DCDC2C: variants seen among roughly 807,000 people sequenced by gnomAD.
DCDC2C encodes the protein doublecortin domain-containing protein 2C.
DCDC2C carries 44 observed loss-of-function variants against 45.0 expected under a neutral mutation model. The ratio of observed to expected loss-of-function variants is 0.98; its 90% CI spans 0.77 to 1.26. The LOEUF (loss-of-function observed/expected upper bound fraction) is 1.26. Among genes scored for constraint, DCDC2C ranks in the 50% most tolerant of loss-of-function variants. The pLI is 0.00. For synonymous variants in DCDC2C, 187 were observed against 178.8 expected (o/e 1.05, Z -0.37); for missense variants, 447 against 468.9 (o/e 0.95, Z 0.43).
chr2:3,772,714 T>C (rs1166412530), intron 8 of DCDC2C, among the ~76,000 whole-genome samples: 5 of 152,200 alleles, frequency 3.3e-5, no homozygotes, highest in Non-Finnish European at 7.3e-5. Flanking sequence ...GTTTTCTTAT[T>C]AATTTACTCA....
At chr2:3,823,101 G>A (rs563636591) in intron 10 of DCDC2C, among the ~76,000 whole-genome samples, 23 of 152,140 alleles carry the variant, frequency 1.5e-4, no homozygotes, top group Non-Finnish European at 2.9e-4. Flanking sequence ...GTCTTTATCA[G>A]CAGCATGAAA....
intron 9 of DCDC2C, among the ~76,000 whole-genome samples, chr2:3,783,362 A>G (rs573787486): frequency 7.2e-5 from 11 of 152,014 alleles, no homozygotes; most frequent in Non-Finnish European, 1.2e-4. Flanking sequence ...TCCAGCTCTC[A>G]CCCACTTCCA....
At chr2:3,705,777 A>G (rs1668049342) in intron 1 of DCDC2C, among the ~76,000 whole-genome samples, 1 of 152,170 alleles carries the variant, frequency 6.6e-6, no homozygotes, top group Non-Finnish European at 1.5e-5. Context: ...TTGGACATGT[A>G]GCAAAAATAT....
At chr2:3,720,283 C>A (rs1668462735) in intron 2 of DCDC2C, among the ~76,000 whole-genome samples, 1 of 152,220 alleles carries the variant, frequency 6.6e-6, no homozygotes, top group Non-Finnish European at 1.5e-5. Context: ...CAAGAGTCAG[C>A]TGCGGAAAGT....
At chr2:3,752,619 C>G (rs888660392) in intron 4 of DCDC2C, 144 bp from the exon 5 acceptor site, 2 of 981,238 alleles carry the variant, frequency 2.0e-6, no homozygotes, top group East Asian at 5.3e-5. Flanking sequence ...TTAATTGGCC[C>G]GTTTGGATAA....
Position 3,704,023 on chromosome 2 carries a change from G to A in DCDC2C, c.272G>A (p.Arg91His). ...AAGTACGTGGCGGCGGGCCGCGAGC[G>A]CTTCAAGGAGCTCGAGTAAGTGCGC... ...GGKYVAAGRERFKELDYIHIV... is the reference protein window; with the variant it reads ...GGKYVAAGREHFKELDYIHIV... Residue 91 changes from arginine to histidine, a missense_variant, in exon 1 of 11, where the codon CGC becomes CAC. Transcript: ENST00000399143. 1 of 1,273,844 alleles carries A rather than the reference G, an allele frequency of 7.9e-7. No individual in the cohort carries two copies. Among genetic ancestry groups the A allele is most frequent in the Non-Finnish European group, 9.9e-7 (1 of 1,009,146 alleles). 78.9% of individuals were successfully genotyped at this position (1,273,844 alleles called of 1,614,324 possible). A position where few individuals can be genotyped will look rare whatever the true frequency, so the allele number is the denominator to read the frequency against.
chr2:3,796,321 C>G lies in DCDC2C; in HGVS notation c.1065+11221C>G, dbSNP rs1209611398. 1.9e-5 allele frequency among the ~76,000 whole-genome samples: 2 copies of G among 106,378 alleles called. 1 individual carries two copies. The highest frequency in any genetic ancestry group is 3.7e-5 in the Non-Finnish European group (2 of 54,042). 69.8% of individuals were successfully genotyped at this position (106,378 alleles called of 152,430 possible). A position where few individuals can be genotyped will look rare whatever the true frequency, so the allele number is the denominator to read the frequency against. ...CAATCATGTCGTCTGCAAACAGGGA[C>G]AACTTAAATTCTTCTTTTCCTAACT... On this transcript the variant is annotated intron_variant, in intron 10 of 10. Coordinates refer to ENST00000399143, the MANE Select transcript of DCDC2C (RefSeq NM_001287444.2).
rs369479478 is a variant in DCDC2C at position 3,827,355 on chromosome 2, G to T, written c.1066-19799G>T. ...TCCACTTGGTGTGTTGGAAGCAGCA[G>T]CCTGGGACCGGGGAGACAGGAACAC... On this transcript the variant is annotated intron_variant, in intron 10 of 10. Transcript: ENST00000399143. Among the ~76,000 whole-genome samples the T allele has an allele frequency of 4.6e-3, 697 of 152,206 alleles. 4 individuals are homozygous for T. The highest frequency in any genetic ancestry group is 0.016 in the African/African-American group (665 of 41,512).
rs1370348964 is a variant in DCDC2C at position 3,818,857 on chromosome 2, A to G, written c.1066-28297A>G. Among the ~76,000 whole-genome samples the G allele has an allele frequency of 6.6e-6, 1 of 152,162 alleles. No individual in the cohort carries two copies. Among genetic ancestry groups the G allele is most frequent in the African/African-American group, 2.4e-5 (1 of 41,420 alleles). On this transcript the variant is annotated intron_variant, in intron 10 of 10. Transcript: ENST00000399143. This position sits in a 1 kb window ranked among gnomAD's most constrained non-coding sequence, Gnocchi z 4.7. ...CCCAGGAATAGTCAGGGAAGTAGAT[A>G]ATTTAGTTAAAATGTTTCAGTTAAT...
chr2:3,755,839 T>C, intron 6 of DCDC2C, among the ~76,000 whole-genome samples: 1 of 150,734 alleles, frequency 6.6e-6, no homozygotes, highest in Admixed American at 6.6e-5. Context: ...TACATATGTG[T>C]ATGTATGGAT....
At chr2:3,722,149 T>C (rs1386119875) in intron 2 of DCDC2C, among the ~76,000 whole-genome samples, 1 of 152,184 alleles carries the variant, frequency 6.6e-6, no homozygotes, top group Non-Finnish European at 1.5e-5. Context: ...CAGCTGAGGC[T>C]CAGGGAGGTT....
intron 3 of DCDC2C, among the ~76,000 whole-genome samples, chr2:3,736,667 T>C (rs1022663894): frequency 3.3e-5 from 5 of 152,218 alleles, no homozygotes. Context: ...TGGTCAAATG[T>C]TTCAGGTTTT....
At chr2:3,730,262 G>T (rs575021237) in intron 3 of DCDC2C, among the ~76,000 whole-genome samples, 1 of 152,140 alleles carries the variant, frequency 6.6e-6, no homozygotes, top group East Asian at 1.9e-4. Context: ...ATAATCCTGG[G>T]CAACATAATG....
At chr2:3,769,481 C>T (rs1247227521) in intron 8 of DCDC2C, 70 bp downstream of exon 8, 2 of 1,351,414 alleles carry the variant, frequency 1.5e-6, no homozygotes, top group African/African-American at 1.4e-5. Flanking sequence ...GCCTCAGCGT[C>T]ATCCTTCACC....
Position 3,746,136 on chromosome 2 carries a change from C to G in DCDC2C, c.545+4088C>G, listed in dbSNP as rs186332273. On this transcript the variant is annotated intron_variant, in intron 4 of 10. Coordinates refer to ENST00000399143, the MANE Select transcript of DCDC2C (RefSeq NM_001287444.2). ...CCATGAGCAGAGCAGTCTCGGTCCT[C>G]AGCCCCACTGCAGCCCAGCAGAGAG... Among the ~76,000 whole-genome samples, 414 of 152,270 alleles carry G rather than the reference C, an allele frequency of 2.7e-3. 5 individuals are homozygous for G. The highest frequency in any genetic ancestry group is 1.2e-3 in the East Asian group (6 of 5,168).
chr2:3,774,974 A>G (rs1252691129), intron 8 of DCDC2C, among the ~76,000 whole-genome samples: 1 of 152,034 alleles, frequency 6.6e-6, no homozygotes, highest in African/African-American at 2.4e-5. Context: ...CATGTTAGTC[A>G]GGCTGGTTTT....
At chr2:3,711,522 C>T (rs1482227456) in intron 2 of DCDC2C, among the ~76,000 whole-genome samples, 3 of 152,110 alleles carry the variant, frequency 2.0e-5, no homozygotes, top group Non-Finnish European at 4.4e-5. Context: ...AAGCCATTAT[C>T]CTCAGCAAAA....
intron 10 of DCDC2C, among the ~76,000 whole-genome samples, chr2:3,836,959 T>A (rs1672095455): frequency 6.6e-6 from 1 of 152,088 alleles, no homozygotes; most frequent in Non-Finnish European, 1.5e-5. Context: ...TATTTCAAAG[T>A]AAAACGTTAA....
rs545839881 is a variant in DCDC2C at position 3,791,671 on chromosome 2, T to C, written c.1065+6571T>C. Among the ~76,000 whole-genome samples the C allele has an allele frequency of 1.5e-4, 23 of 152,270 alleles. No homozygotes were observed. The East Asian group carries it at 4.4e-3, about 29-fold the overall frequency. ...GTGGACTTGGATTTGCTTCCCAGCTTCCCCGGGGGCCTGATGACCCTCACA... is the reference window on the plus strand; with the variant it reads ...GTGGACTTGGATTTGCTTCCCAGCTCCCCCGGGGGCCTGATGACCCTCACA... On this transcript the variant is annotated intron_variant, in intron 10 of 10. Transcript: ENST00000399143.
Sources: allele counts gnomAD v4.1 joint callset (sites outside exome capture counted in the v4.1 genomes callset), GRCh38; gene constraint gnomAD v4.1.1; non-coding constraint Gnocchi (gnomAD v3.1); transcripts MANE v1.5; gene names NCBI Gene and HGNC (gene_info 2026-07-23, HGNC 2026-07-21).